The following MACF1 variants were observed in gnomAD, a reference collection of about 807,000 sequenced individuals.
The protein encoded by MACF1 is microtubule-actin cross-linking factor 1.
Under a neutral mutation model 854.8 loss-of-function variants are expected in MACF1, and 193 were observed. The ratio of observed to expected loss-of-function variants is 0.23; its 90% CI spans 0.20 to 0.25. The LOEUF (loss-of-function observed/expected upper bound fraction) is 0.25, where lower values mean the gene tolerates loss of function less well. Ranked by LOEUF, MACF1 falls within the 10% of genes least tolerant of loss-of-function variation. The pLI, the probability that MACF1 is intolerant of heterozygous loss-of-function variation, is 1.00. For missense variants in MACF1, 7,722 were observed against 8,929.1 expected (o/e 0.86, Z 5.45); for synonymous variants, 3,185 against 3,226.7 (o/e 0.99, Z 0.44).
chr1:39,374,220 C>T (rs1018305724), intron 52 of MACF1, among the ~76,000 whole-genome samples: 5 of 152,082 alleles, frequency 3.3e-5, no homozygotes, highest in Admixed American at 1.3e-4. Flanking sequence ...CCAGCCTGTG[C>T]GACAGGGCGA....
At chr1:39,090,987 C>A (rs966959859) in intron 2 of MACF1, among the ~76,000 whole-genome samples, 1 of 26,324 alleles carries the variant, frequency 3.8e-5, no homozygotes, top group African/African-American at 8.6e-5. Context: ...AGCCTGCCAG[C>A]CTGAAAGCCC....
At position 39,460,246 on chromosome 1, in the gene MACF1, C is replaced by G. The variant is rs747850491; in HGVS notation, c.21361-386C>G. 5.3e-5 allele frequency among the ~76,000 whole-genome samples: 8 copies of G among 152,276 alleles called. No homozygotes were observed. Among genetic ancestry groups the G allele is most frequent in the Non-Finnish European group, 7.4e-5 (5 of 68,022 alleles). On this transcript the variant is annotated intron_variant, in intron 91 of 100. Coordinates refer to ENST00000564288, the MANE Select transcript of MACF1 (RefSeq NM_001394062.1). This position sits in a 1 kb window ranked among gnomAD's most constrained non-coding sequence, Gnocchi z 4.1. ...CCCTATGTGTGATTATAATGCCTTT[C>G]AAAACAACATAATCGAGGAGTGCTA...
rs138294125 is a variant in MACF1, at chr1:39,351,229, C to T, written c.11199+211C>T. Among the ~76,000 whole-genome samples, 107 of 152,224 alleles carry T rather than the reference C, an allele frequency of 7.0e-4. 1 individual carries two copies. The highest frequency in any genetic ancestry group is 2.5e-3 in the African/African-American group (102 of 41,542). ...TGGCATGATCTCGGCTTACTGCAAC[C>T]TCTGCCTGCCAGGTTCAAGTGATTC... On this transcript the variant is annotated intron_variant, in intron 43 of 100. Coordinates refer to ENST00000564288, the MANE Select transcript of MACF1 (RefSeq NM_001394062.1).
intron 1 of MACF1, among the ~76,000 whole-genome samples, chr1:39,223,418 C>T (rs1644676901): frequency 6.6e-6 from 1 of 152,026 alleles, no homozygotes; most frequent in African/African-American, 2.4e-5. Context: ...TCTGTCTGGA[C>T]TTTATTTTTC....
intron 2 of MACF1, among the ~76,000 whole-genome samples, chr1:39,151,042 T>A (rs1443090230): frequency 1.3e-5 from 2 of 152,218 alleles, no homozygotes; most frequent in Non-Finnish European, 2.9e-5. Context: ...TTGGATATCC[T>A]GTAGGTGTCT....
intron 20 of MACF1, among the ~76,000 whole-genome samples, chr1:39,297,185 G>A (rs947630414): frequency 1.3e-5 from 2 of 152,044 alleles, no homozygotes; most frequent in Admixed American, 6.6e-5. Context: ...CTTGGCCTCC[G>A]AAAGTGCTGG....
intron 2 of MACF1, among the ~76,000 whole-genome samples, chr1:39,236,636 G>A (rs1022131188): frequency 3.3e-5 from 5 of 152,182 alleles, no homozygotes; most frequent in Admixed American, 1.3e-4. Flanking sequence ...GAAAGAGAGA[G>A]AAGTAAGGAG....
In MACF1 at chr1:39,360,072, T is replaced by C. The variant is rs1348943989; in HGVS notation, c.12245-721T>C. 5.3e-4 allele frequency among the ~76,000 whole-genome samples: 63 copies of C among 119,092 alleles called. 1 individual carries two copies. Among genetic ancestry groups the C allele is most frequent in the East Asian group, 3.6e-3 (14 of 3,836 alleles). 78.1% of individuals were successfully genotyped at this position (119,092 alleles called of 152,430 possible). A position where few individuals can be genotyped will look rare whatever the true frequency, so the allele number is the denominator to read the frequency against. On this transcript the variant is annotated intron_variant, in intron 47 of 100. Transcript: ENST00000564288. The stretch of plus-strand genomic sequence containing the variant: ...ATATATACACACACACACACACACA[T>C]ATGTATATACACACATATATACACA...
intron 58 of MACF1, among the ~76,000 whole-genome samples, chr1:39,403,452 G>A (rs1254607000): frequency 6.6e-6 from 1 of 152,144 alleles, no homozygotes; most frequent in Non-Finnish European, 1.5e-5. Context: ...GGCCCTTCTA[G>A]ACACCTTCAC....
chr1:39,174,662 A>C (rs1287574628), intron 2 of MACF1, among the ~76,000 whole-genome samples: 1 of 152,188 alleles, frequency 6.6e-6, no homozygotes, highest in Non-Finnish European at 1.5e-5. Flanking sequence ...TCTTTGGCAA[A>C]AGCAAGGGCG....
chr1:39,482,855 T>C (rs935942563), intron 99 of MACF1, among the ~76,000 whole-genome samples: 1 of 147,796 alleles, frequency 6.8e-6, no homozygotes, highest in African/African-American at 2.5e-5. Flanking sequence ...GGCTCACCCC[T>C]GTAATCCCAA....
intron 2 of MACF1, among the ~76,000 whole-genome samples, chr1:39,169,604 CAAA>C (rs61000226): frequency 1.5e-4 from 14 of 93,522 alleles, no homozygotes; most frequent in Non-Finnish European, 1.8e-4. Context: ...GACCCTGTCT[CAAA>C]AAAAAAAAAA....
In MACF1 at chr1:39,458,281, C is replaced by T. The variant is rs1008801587; in HGVS notation, c.21076-89C>T. 2.8e-5 allele frequency: 37 copies of T among 1,311,158 alleles called. No homozygotes were observed. In the South Asian group the frequency reaches 2.8e-4, roughly 10 times the overall value. 81.2% of individuals were successfully genotyped at this position (1,311,158 alleles called of 1,614,324 possible). On this transcript the variant is annotated intron_variant, in intron 89 of 100. Transcript: ENST00000564288. ...CACAGCCTTTCCTGCCACCACAGGC[C>T]GTAAAGTACCCATCCTAGCTCTTCC...
rs1645074571 is a variant in MACF1 at position 39,254,301 on chromosome 1, C to T, written c.361C>T (p.Arg121Trp). 11 of 1,613,640 alleles carry T rather than the reference C, an allele frequency of 6.8e-6. No homozygotes were observed. The highest frequency in any genetic ancestry group is 1.7e-5 in the Admixed American group (1 of 59,986). Residue 121 changes from arginine (R) to tryptophan (W), a missense_variant, in exon 5 of 101, where the codon CGG becomes TGG. Arg to Trp is a moderately radical substitution (Grantham distance 101). This residue lies in a region of MACF1 where 108 missense variants were observed against 196.4 expected (regional missense o/e 0.55). Transcript: ENST00000564288. ...CCCTTTTTTTGTTTGTTTGCAGCCC[C>T]GGGAGAAGGGCAGGATGCGTTTTCA... ...QAEEDDDDVPREKGRMRFHRL... is the reference protein window; with the variant it reads ...QAEEDDDDVPWEKGRMRFHRL...
rs113586653 is a variant in MACF1 at position 39,297,796 on chromosome 1, A to G, written c.2481+51A>G. 9.6e-5 allele frequency: 154 copies of G among 1,598,376 alleles called. No individual in the cohort carries two copies. The African/African-American group carries it at 1.4e-3, about 15-fold the overall frequency. On this transcript the variant is annotated intron_variant, in intron 21 of 100. Transcript: ENST00000564288. ...TTACTTCTGAGAAAGAGAGTAAACC[A>G]TATCAGCTGCTGCTGTTTATATCCT...
At chr1:39,304,362 C>T (rs1351556461) in intron 23 of MACF1, 1 of 860,772 alleles carries the variant, frequency 1.2e-6, no homozygotes, top group East Asian at 2.7e-5. Context: ...TCTAGAACTA[C>T]TTTGGTGCCT....
At chr1:39,258,786 G>A (rs191034146) in intron 6 of MACF1, among the ~76,000 whole-genome samples, 3 of 152,332 alleles carry the variant, frequency 2.0e-5, no homozygotes, top group East Asian at 1.9e-4. Flanking sequence ...GCAGGGTGCC[G>A]ACTTCAGGGA....
chr1:39,122,571 T>C (rs987159757), intron 2 of MACF1, among the ~76,000 whole-genome samples: 4 of 152,100 alleles, frequency 2.6e-5, no homozygotes, highest in Admixed American at 6.6e-5. Flanking sequence ...TGTTAAGCGC[T>C]AAGAGCACAA....
chr1:39,305,930 T>C (rs944754875), intron 23 of MACF1, among the ~76,000 whole-genome samples: 2 of 152,318 alleles, frequency 1.3e-5, no homozygotes, highest in African/African-American at 4.8e-5. Context: ...CTGTCTTCTT[T>C]ACTCATTTTA....
Sources: allele counts gnomAD v4.1 joint callset (sites outside exome capture counted in the v4.1 genomes callset), GRCh38; gene constraint gnomAD v4.1.1; regional missense constraint gnomAD v4.1.1; non-coding constraint Gnocchi (gnomAD v3.1); transcripts MANE v1.5; gene names NCBI Gene and HGNC (gene_info 2026-07-23, HGNC 2026-07-21).